PRKG2: variants seen among roughly 807,000 people sequenced by gnomAD.
PRKG2 encodes cGMP-dependent protein kinase 2.
PRKG2 carries 33 observed loss-of-function variants against 97.2 expected under a neutral mutation model. That is an observed-to-expected ratio of 0.34 (90% confidence interval 0.26 to 0.45). The LOEUF is 0.45. Among genes scored for constraint, PRKG2 ranks in the 20% least tolerant of loss-of-function variants. The pLI is 1.00. For synonymous variants in PRKG2, 330 were observed against 321.8 expected, an observed-to-expected ratio of 1.03 and a Z score of -0.27; for missense variants, 638 against 900.0, an observed-to-expected ratio of 0.71 and a Z score of 3.73.
chr4:81,133,081 T>C (rs1356314203), intron 14 of PRKG2, among the ~76,000 whole-genome samples: 1 of 152,134 alleles, frequency 6.6e-6, no homozygotes, highest in African/African-American at 2.4e-5. Context: ...AGAATATACA[T>C]TGATTCTTGG....
intron 14 of PRKG2, among the ~76,000 whole-genome samples, chr4:81,111,473 T>A (rs1003856228): frequency 1.3e-5 from 2 of 152,126 alleles, no homozygotes; most frequent in African/African-American, 4.8e-5. Context: ...ATGTAATACA[T>A]GATATAATTG....
intron 2 of PRKG2, among the ~76,000 whole-genome samples, chr4:81,197,130 T>C (rs915276107): frequency 6.6e-6 from 1 of 152,148 alleles, no homozygotes; most frequent in Admixed American, 6.6e-5. Flanking sequence ...CAAAGGCCAG[T>C]GGTGATGTTT....
At chr4:81,124,752 A>G (rs1745393499) in intron 14 of PRKG2, among the ~76,000 whole-genome samples, 2 of 152,096 alleles carry the variant, frequency 1.3e-5, no homozygotes, top group African/African-American at 2.4e-5. Context: ...TTCCCGAGAG[A>G]CCTCAAGCAA....
intron 2 of PRKG2, among the ~76,000 whole-genome samples, chr4:81,195,890 A>G (rs1752931045): frequency 1.3e-5 from 2 of 152,240 alleles, no homozygotes; most frequent in Non-Finnish European, 2.9e-5. Context: ...ATTCCTAAAC[A>G]GGAATCTCAC....
intron 6 of PRKG2, among the ~76,000 whole-genome samples, chr4:81,159,195 T>A (rs2110069844): frequency 6.6e-6 from 1 of 152,052 alleles, no homozygotes; most frequent in African/African-American, 2.4e-5. Flanking sequence ...GGGAGAAAAT[T>A]TTTGCAACCT....
chr4:81,186,095 C>A (rs114133061), intron 2 of PRKG2, among the ~76,000 whole-genome samples: 3,073 of 152,142 alleles, frequency 0.02, 102 homozygotes, highest in African/African-American at 0.07. Flanking sequence ...ATATTCAGGA[C>A]TTGATTCAGC....
In PRKG2 at chr4:81,177,469, G is replaced by A. The variant is rs534330147; in HGVS notation, c.462-2510C>T. Among the ~76,000 whole-genome samples the A allele has an allele frequency of 9.0e-4, 137 of 152,248 alleles. 3 individuals are homozygous for A. The highest frequency in any genetic ancestry group is 7.2e-3 in the Admixed American group (110 of 15,300). On this transcript the variant is annotated intron_variant, in intron 2 of 18. Coordinates refer to ENST00000264399, the MANE Select transcript of PRKG2 (RefSeq NM_006259.3). ...GCCTGTAATCCCAGCACTTTGGGAGGCCGAGGCGGGCAGATCACGAGGTCA... is the reference window on the plus strand; with the variant it reads ...GCCTGTAATCCCAGCACTTTGGGAGACCGAGGCGGGCAGATCACGAGGTCA...
chr4:81,154,839 T>C (rs1490446902), intron 6 of PRKG2, among the ~76,000 whole-genome samples: 4 of 152,044 alleles, frequency 2.6e-5, no homozygotes, highest in Non-Finnish European at 5.9e-5. Flanking sequence ...GGAGGACATT[T>C]AAACCAAAGG....
chr4:81,094,608 G>A (rs1052796717), intron 17 of PRKG2, among the ~76,000 whole-genome samples: 3 of 152,058 alleles, frequency 2.0e-5, no homozygotes, highest in Admixed American at 6.6e-5. Context: ...AGAATAAAGT[G>A]GTAGATGATG....
rs530408887 is a variant in PRKG2, at chr4:81,201,337, T to C, written c.461+3250A>G. Among the ~76,000 whole-genome samples the C allele has an allele frequency of 2.0e-5, 3 of 152,330 alleles. No homozygotes were observed. The East Asian group carries it at 5.8e-4, about 29-fold the overall frequency. On this transcript the variant is annotated intron_variant, in intron 2 of 18. Coordinates refer to ENST00000264399, the MANE Select transcript of PRKG2 (RefSeq NM_006259.3). ...CTATTGGCTACCATATCGTAAAGCA[T>C]GGATTATAGAATACTTCCATCACTG...
intron 17 of PRKG2, among the ~76,000 whole-genome samples, chr4:81,095,452 T>A (rs1364819000): frequency 6.6e-6 from 1 of 152,222 alleles, no homozygotes; most frequent in African/African-American, 2.4e-5. Context: ...CAACAATTCC[T>A]TTTAACATAT....
intron 1 of PRKG2, among the ~76,000 whole-genome samples, chr4:81,205,461 T>C (rs1380177525): frequency 6.6e-6 from 1 of 152,232 alleles, no homozygotes; most frequent in Non-Finnish European, 1.5e-5. Context: ...AACAGAGGCA[T>C]GGAAATGTCA....
At chr4:81,108,994 T>C (rs185037545) in intron 15 of PRKG2, among the ~76,000 whole-genome samples, 13 of 152,318 alleles carry the variant, frequency 8.5e-5, no homozygotes, top group Non-Finnish European at 5.9e-5. Flanking sequence ...TCTGATTACC[T>C]ATAGAAGCCA....
At chr4:81,157,865 G>A (rs1250727594) in intron 6 of PRKG2, among the ~76,000 whole-genome samples, 20 of 146,442 alleles carry the variant, frequency 1.4e-4, no homozygotes, top group African/African-American at 4.6e-4. Flanking sequence ...AAAGGCCTTT[G>A]ACAAAATTCA....
chr4:81,094,850 C>A (rs1480900616), intron 17 of PRKG2, among the ~76,000 whole-genome samples: 1 of 151,998 alleles, frequency 6.6e-6, no homozygotes, highest in Non-Finnish European at 1.5e-5. Flanking sequence ...TTTGCAGGCA[C>A]AGTAAGGAAT....
At chr4:81,149,157 AGAG>A (rs1230940698) in intron 8 of PRKG2, among the ~76,000 whole-genome samples, 2 of 152,164 alleles carry the variant, frequency 1.3e-5, no homozygotes, top group African/African-American at 2.4e-5. Flanking sequence ...CAAAGAATTC[AGAG>A]GAGAAGAAGA....
At chr4:81,166,020 G>T (rs772742781) in intron 6 of PRKG2, among the ~76,000 whole-genome samples, 1 of 151,968 alleles carries the variant, frequency 6.6e-6, no homozygotes, top group Non-Finnish European at 1.5e-5. Context: ...CTGTGACTGG[G>T]TTATGTTACA....
At chr4:81,213,341 G>A (rs1754105063) in intron 1 of PRKG2, among the ~76,000 whole-genome samples, 1 of 152,134 alleles carries the variant, frequency 6.6e-6, no homozygotes, top group African/African-American at 2.4e-5. Context: ...TGTGGGAGAA[G>A]AGGAGGAGAA....
chr4:81,090,418 T>C (rs1297117323), intron 18 of PRKG2, among the ~76,000 whole-genome samples: 2 of 152,106 alleles, frequency 1.3e-5, no homozygotes, highest in Non-Finnish European at 2.9e-5. Flanking sequence ...AAAACTCTTT[T>C]AAAATCAAAA....
Sources: allele counts gnomAD v4.1 joint callset (sites outside exome capture counted in the v4.1 genomes callset), GRCh38; gene constraint gnomAD v4.1.1; transcripts MANE v1.5; gene names NCBI Gene and HGNC (gene_info 2026-07-23, HGNC 2026-07-21).